TACR1: variants seen among roughly 807,000 people sequenced by gnomAD.
The protein encoded by TACR1 is tachykinin receptor 1, also known as substance-P receptor.
TACR1 carries 25 observed loss-of-function variants against 35.8 expected under a neutral mutation model. The ratio of observed to expected loss-of-function variants is 0.70; its 90% CI spans 0.51 to 0.98. The LOEUF (loss-of-function observed/expected upper bound fraction) is 0.98. Among genes scored for constraint, TACR1 ranks in the 50% least tolerant of loss-of-function variants. The probability of loss-of-function intolerance (pLI) is 0.00; values close to 1 mark genes in which losing one functional copy is unlikely to be tolerated. For missense variants in TACR1, 478 were observed against 522.9 expected (o/e 0.91, Z 0.84); for synonymous variants, 195 against 206.7 (o/e 0.94, Z 0.48).
intron 1 of TACR1, among the ~76,000 whole-genome samples, chr2:75,143,462 T>C (rs1291192741): frequency 6.6e-6 from 1 of 152,112 alleles, no homozygotes; most frequent in African/African-American, 2.4e-5. Flanking sequence ...ACCAGAAGTA[T>C]TGGCACTATT....
At chr2:75,062,364 C>T in intron 2 of TACR1, among the ~76,000 whole-genome samples, 1 of 152,160 alleles carries the variant, frequency 6.6e-6, no homozygotes, top group East Asian at 1.9e-4. Context: ...ATATCTTCCT[C>T]TATCTTCCTG....
chr2:75,072,858 G>A (rs202002590), intron 2 of TACR1, among the ~76,000 whole-genome samples: 5 of 152,176 alleles, frequency 3.3e-5, no homozygotes, highest in Non-Finnish European at 5.9e-5. Context: ...AGTTTTCTGC[G>A]TTTTATGGAA....
At chr2:75,186,643 T>TA (rs1675710964) in intron 1 of TACR1, among the ~76,000 whole-genome samples, 2 of 147,174 alleles carry the variant, frequency 1.4e-5, no homozygotes, top group African/African-American at 5.3e-5. Flanking sequence ...GTTATTTTTC[T>TA]TAAAAAAAAA....
At chr2:75,119,752 C>T (rs1673929180) in intron 2 of TACR1, among the ~76,000 whole-genome samples, 1 of 152,138 alleles carries the variant, frequency 6.6e-6, no homozygotes, top group Non-Finnish European at 1.5e-5. Context: ...GTTTCACCTG[C>T]ACATATTCTA....
At chr2:75,180,328 A>G (rs1675532895) in intron 1 of TACR1, among the ~76,000 whole-genome samples, 1 of 152,218 alleles carries the variant, frequency 6.6e-6, no homozygotes, top group African/African-American at 2.4e-5. Context: ...ATACTGGCAT[A>G]TAGTTGATGT....
At position 75,198,876 on chromosome 2, in the gene TACR1, G is replaced by T. The variant is rs79405056; in HGVS notation, c.59C>A (p.Ser20Ter). ...TGGTTGCACGAACTGATTGGGTTCC[G>T]AGGTGTTAGTGGAGATGTTTGGGGA... ...DLSPNISTNT[S>*]EPNQFVQPAW... The change falls in exon 1 of 5, where the codon TCG (serine) becomes TAG (stop). Residue 20 changes from serine to a stop codon, truncating the protein, a stop_gained. Transcript: ENST00000305249. LOFTEE classifies it high-confidence loss of function. 2 of 1,614,052 alleles carry T rather than the reference G, an allele frequency of 1.2e-6. No homozygotes were observed. The highest frequency in any genetic ancestry group is 3.3e-5 in the Admixed American group (2 of 60,022).
intron 2 of TACR1, among the ~76,000 whole-genome samples, chr2:75,094,243 A>G (rs1254187997): frequency 1.3e-5 from 2 of 152,228 alleles, no homozygotes; most frequent in Admixed American, 6.5e-5. Flanking sequence ...GAGTTAAAGC[A>G]TTGTTCCAGG....
chr2:75,112,767 C>T (rs1188631191), intron 2 of TACR1, among the ~76,000 whole-genome samples: 1 of 152,096 alleles, frequency 6.6e-6, no homozygotes, highest in Non-Finnish European at 1.5e-5. Context: ...ATATATGATG[C>T]TCCCCTTTAA....
chr2:75,160,767 G>C (rs1674987919), intron 1 of TACR1, among the ~76,000 whole-genome samples: 1 of 143,924 alleles, frequency 6.9e-6, no homozygotes, highest in African/African-American at 2.5e-5. Flanking sequence ...AATGATTTAA[G>C]ACATAACCGA....
At chr2:75,137,478 C>A (rs1674315465) in intron 1 of TACR1, among the ~76,000 whole-genome samples, 1 of 152,034 alleles carries the variant, frequency 6.6e-6, no homozygotes, top group Admixed American at 6.5e-5. Flanking sequence ...TTAATCCCAG[C>A]ACTTTGGGAG....
At chr2:75,145,465 A>G (rs1674488015) in intron 1 of TACR1, among the ~76,000 whole-genome samples, 1 of 152,224 alleles carries the variant, frequency 6.6e-6, no homozygotes. Context: ...ATGATAGCTT[A>G]TCTAAAAAAC....
At chr2:75,168,051 T>TA (rs1675187529) in intron 1 of TACR1, among the ~76,000 whole-genome samples, 1 of 152,168 alleles carries the variant, frequency 6.6e-6, no homozygotes. Flanking sequence ...TTTTGGTATT[T>TA]AAAAAAATAA....
Position 75,198,555 on chromosome 2 carries a change from G to T in TACR1, c.380C>A (p.Ala127Asp). 6.2e-7 allele frequency: 1 copy of T among 1,612,426 alleles called. No individual in the cohort carries two copies. Among genetic ancestry groups the T allele is most frequent in the Non-Finnish European group, 8.5e-7 (1 of 1,178,582 alleles). Residue 127 changes from alanine (A) to aspartate (D), a missense_variant, in exon 1 of 5, where the codon GCC becomes GAC. Transcript: ENST00000305249. ...CAAAGGCTAATCTCACCTATCAAAGGCCACAGCCGTCATGGAGTAGATACT... is the reference window on the plus strand; with the variant it reads ...CAAAGGCTAATCTCACCTATCAAAGTCCACAGCCGTCATGGAGTAGATACT... Reference protein sequence around the residue: ...FASIYSMTAVAFDRYMAIIHP... With the variant: ...FASIYSMTAVDFDRYMAIIHP...
chr2:75,182,416 C>G (rs1675581475), intron 1 of TACR1, among the ~76,000 whole-genome samples: 1 of 152,060 alleles, frequency 6.6e-6, no homozygotes. Context: ...CCCTGACACT[C>G]TCACCCTGAA....
At chr2:75,184,264 G>A (rs1675633365) in intron 1 of TACR1, among the ~76,000 whole-genome samples, 1 of 152,028 alleles carries the variant, frequency 6.6e-6, no homozygotes, top group Non-Finnish European at 1.5e-5. Context: ...TAAGTATCTA[G>A]ATTTGATTAA....
intron 1 of TACR1, among the ~76,000 whole-genome samples, chr2:75,139,299 C>T (rs1220273370): frequency 3.3e-5 from 5 of 152,186 alleles, no homozygotes; most frequent in Admixed American, 6.5e-5. Context: ...AGTCATTTGC[C>T]TCAGGTCACA....
At chr2:75,080,744 T>C (rs2103832424) in intron 2 of TACR1, among the ~76,000 whole-genome samples, 1 of 152,324 alleles carries the variant, frequency 6.6e-6, no homozygotes, top group East Asian at 1.9e-4. Flanking sequence ...GTTGTGAGGA[T>C]ATATAGAAAT....
chr2:75,179,481 C>A (rs977927496), intron 1 of TACR1, among the ~76,000 whole-genome samples: 7 of 152,188 alleles, frequency 4.6e-5, no homozygotes, highest in African/African-American at 1.7e-4. Flanking sequence ...CATGTCCCTT[C>A]CCTGCTAATA....
chr2:75,094,839 A>G (rs1673382019), intron 2 of TACR1, among the ~76,000 whole-genome samples: 1 of 72,328 alleles, frequency 1.4e-5, no homozygotes, highest in Non-Finnish European at 2.2e-5. Flanking sequence ...AAGCAGAAAC[A>G]TATATATATA....
Sources: gnomAD v4.1 joint callset for allele counts (sites outside exome capture counted in the v4.1 genomes callset) on GRCh38, gnomAD v4.1.1 for gene constraint, MANE v1.5 for transcripts, NCBI Gene and HGNC (gene_info 2026-07-23, HGNC 2026-07-21) for gene names.